The following SACS variants were observed in gnomAD, a reference collection of about 807,000 sequenced individuals.
SACS encodes the protein sacsin molecular chaperone, also known as sacsin.
SACS carries 197 observed loss-of-function variants against 348.0 expected under a neutral mutation model. The ratio of observed to expected loss-of-function variants is 0.57; its 90% CI spans 0.50 to 0.64. SACS has a LOEUF of 0.64. SACS is among the 30% of genes least tolerant of loss of function. SACS has a pLI of 0.00. For synonymous variants in SACS, 1,985 were observed against 1,910.6 expected (o/e 1.04, Z -1.02); for missense variants, 4,999 against 5,360.8 (o/e 0.93, Z 2.11).
intron 1 of SACS, among the ~76,000 whole-genome samples, chr13:23,413,269 C>T (rs1225478545): frequency 1.3e-5 from 2 of 152,306 alleles, no homozygotes; most frequent in Non-Finnish European, 2.9e-5. Flanking sequence ...TGAGCCACTG[C>T]GCCCGGCCGG....
In SACS at chr13:23,330,107, A is replaced by T. The variant is rs1883370471; in HGVS notation, c.*29T>A. ...ATTTATTCGTGCTACAACACATTCAAGATCTACCTTTTTTTTCGTTAAATA... is the reference window on the plus strand; with the variant it reads ...ATTTATTCGTGCTACAACACATTCATGATCTACCTTTTTTTTCGTTAAATA... On this transcript the variant is annotated 3_prime_UTR_variant, in exon 10 of 10. Transcript: ENST00000382292. 2 of 1,594,240 alleles carry T rather than the reference A, an allele frequency of 1.3e-6. No homozygotes were observed. Among genetic ancestry groups the T allele is most frequent in the African/African-American group, 1.3e-5 (1 of 74,432 alleles).
At position 23,336,484 on chromosome 13, in the gene SACS, T is replaced by C. The variant is rs776481740; in HGVS notation, c.7392A>G (p.Lys2464=). The C allele has an allele frequency of 6.2e-7, 1 of 1,614,058 alleles. No homozygotes were observed. ...PDTNLMLLPA[K]SLCYNDCPWI... ...AAGGGCAATCATTGTAGCATAACGA[T>C]TTAGCAGGGAGAAGCATAAGATTAG... is the stretch of plus-strand genomic sequence containing the variant. The change falls in exon 10 of 10, where the codon AAA becomes AAG. Residue 2464 remains lysine (K), a synonymous_variant. Coordinates refer to ENST00000382292, the MANE Select transcript of SACS (RefSeq NM_014363.6).
chr13:23,336,941 T>A lies in SACS; in HGVS notation c.6935A>T (p.Gln2312Leu). ...KSVDDGITLY[Q>L]ENITNACYKY... is the part of the protein sequence containing the mutation. Reference sequence around the variant, plus strand: ...GTAGCAAGCATTGGTGATATTCTCCTGGTACAGTGTAATTCCATCATCAAC... The same window carrying A: ...GTAGCAAGCATTGGTGATATTCTCCAGGTACAGTGTAATTCCATCATCAAC... The change falls in exon 10 of 10, where the codon CAG becomes CTG. Residue 2312 changes from glutamine (Q) to leucine (L), a missense_variant. Gln to Leu is a moderately radical substitution (Grantham distance 113). Around this residue, in one of 6 missense-constraint regions of SACS, gnomAD observed 3,156 missense variants for 3,380.1 expected, o/e 0.93. Coordinates refer to ENST00000382292, the MANE Select transcript of SACS (RefSeq NM_014363.6). 6.2e-7 allele frequency: 1 copy of A among 1,613,956 alleles called. No homozygotes were observed. Among genetic ancestry groups the A allele is most frequent in the Non-Finnish European group, 8.5e-7 (1 of 1,179,850 alleles).
chr13:23,358,538 T>C, intron 6 of SACS, 57 bp from the exon 7 acceptor site: 1 of 1,579,462 alleles, frequency 6.3e-7, no homozygotes, highest in Non-Finnish European at 8.7e-7. Context: ...TGTTCTGTTC[T>C]ATCTCAAGAG....
At chr13:23,377,411 C>G (rs943119388) in intron 2 of SACS, among the ~76,000 whole-genome samples, 2 of 152,142 alleles carry the variant, frequency 1.3e-5, no homozygotes, top group Non-Finnish European at 2.9e-5. Flanking sequence ...TTCCGTGGAG[C>G]CTGGTGGTTG....
At chr13:23,379,926 T>C (rs1871973535) in intron 2 of SACS, among the ~76,000 whole-genome samples, 1 of 152,122 alleles carries the variant, frequency 6.6e-6, no homozygotes, top group South Asian at 2.1e-4. Flanking sequence ...CTTGGTCTTA[T>C]ACCTGGAATG....
In SACS at chr13:23,336,993, T is replaced by C. The variant is rs751139792; in HGVS notation, c.6883A>G (p.Asn2295Asp). The C allele has an allele frequency of 6.2e-7, 1 of 1,613,900 alleles. No individual in the cohort carries two copies. The highest frequency in any genetic ancestry group is 8.5e-7 in the Non-Finnish European group (1 of 1,179,916). ...GATTTTGCTACTTCTTTCAATTGGT[T>C]TATAACCAGATCAACTGTTGGCTTC... ...LKKPTVDLVI[N>D]QLKEVAKSVD... Residue 2295 changes from asparagine to aspartate, a missense_variant, in exon 10 of 10, where the codon AAC becomes GAC. Asn to Asp is a conservative substitution (Grantham distance 23). Around this residue, in one of 6 missense-constraint regions of SACS, gnomAD observed 3,156 missense variants for 3,380.1 expected, o/e 0.93. Coordinates refer to ENST00000382292, the MANE Select transcript of SACS (RefSeq NM_014363.6).
At chr13:23,408,978 A>G (rs943229373) in intron 2 of SACS, among the ~76,000 whole-genome samples, 4 of 149,228 alleles carry the variant, frequency 2.7e-5, no homozygotes, top group Non-Finnish European at 5.9e-5. Flanking sequence ...AATAAAAAAG[A>G]ATTGTTTTTC....
At chr13:23,357,521 C>T (rs1238001326) in intron 7 of SACS, among the ~76,000 whole-genome samples, 4 of 152,192 alleles carry the variant, frequency 2.6e-5, no homozygotes, top group Non-Finnish European at 4.4e-5. Context: ...CACCCTCCTT[C>T]ACTCTCACAC....
intron 4 of SACS, among the ~76,000 whole-genome samples, chr13:23,370,412 A>G (rs1871311468): frequency 6.6e-6 from 1 of 150,646 alleles, no homozygotes; most frequent in African/African-American, 2.4e-5. Flanking sequence ...TCATCTCCAA[A>G]AGTTTCCTCC....
At chr13:23,368,144 TC>T in intron 5 of SACS, among the ~76,000 whole-genome samples, 1 of 152,122 alleles carries the variant, frequency 6.6e-6, no homozygotes, top group East Asian at 1.9e-4. Flanking sequence ...CAGAGAACAT[TC>T]CCGGAGCGAC....
In SACS at chr13:23,375,100, GC is replaced by G. The variant is rs1433108674; in HGVS notation, c.171+18del. On this transcript the variant is annotated intron_variant, in intron 3 of 9. Transcript: ENST00000382292. Reference sequence around the variant, plus strand: ...TCCGCGTGGCGGAGCCCAGCCCAGCGCCCCCGGCCACCGCCTACCTCGCGGC... The same window carrying G: ...TCCGCGTGGCGGAGCCCAGCCCAGCGCCCCGGCCACCGCCTACCTCGCGGC... 16 of 1,485,216 alleles carry G rather than the reference GC, an allele frequency of 1.1e-5. No homozygotes were observed. The Admixed American group carries it at 1.2e-4, about 11-fold the overall frequency. 92.0% of individuals were successfully genotyped at this position (1,485,216 alleles called of 1,614,324 possible).
intron 2 of SACS, among the ~76,000 whole-genome samples, chr13:23,395,465 C>T (rs1463262826): frequency 6.6e-6 from 1 of 152,158 alleles, no homozygotes; most frequent in African/African-American, 2.4e-5. Flanking sequence ...CTTTCACCAC[C>T]TTTGATCTTC....
At chr13:23,373,206 A>G (rs1213051302) in intron 3 of SACS, among the ~76,000 whole-genome samples, 2 of 152,190 alleles carry the variant, frequency 1.3e-5, no homozygotes. Context: ...GTCGGCAGGC[A>G]TAGAGAAAGG....
chr13:23,412,490 T>G (rs1366461393), intron 1 of SACS, among the ~76,000 whole-genome samples: 1 of 148,188 alleles, frequency 6.7e-6, no homozygotes, highest in African/African-American at 2.5e-5. Context: ...CTTGGCTCAC[T>G]GCAACATCTA....
chr13:23,345,527 G>A (rs28451993), intron 9 of SACS, among the ~76,000 whole-genome samples: 4,100 of 152,212 alleles, frequency 0.027, 187 homozygotes, highest in African/African-American at 0.093. Context: ...TAAGAGAATC[G>A]CTGATGTAAC....
In SACS at chr13:23,334,689, A is replaced by G. The variant is rs1242288661; in HGVS notation, c.9187T>C (p.Leu3063=). 2.5e-6 allele frequency: 4 copies of G among 1,613,634 alleles called. No homozygotes were observed. Among genetic ancestry groups the G allele is most frequent in the Non-Finnish European group, 3.4e-6 (4 of 1,179,754 alleles). The change falls in exon 10 of 10, where the codon TTA becomes CTA. Residue 3063 remains leucine (L), a synonymous_variant. Transcript: ENST00000382292. ...TAAACCAAGTTGAAACCAATTTCTA[A>G]AAGGAGATGTTTCAGCCTATAGACA... ...ENVYRLKHLL[L]EIGFNLVYNC...
intron 2 of SACS, among the ~76,000 whole-genome samples, chr13:23,380,148 T>TGTGAGAGAGAGA (rs35527942): frequency 6.8e-6 from 1 of 147,672 alleles, no homozygotes; most frequent in Non-Finnish European, 1.5e-5. Flanking sequence ...TGTGTGTGTG[T>TGTGAGAGAGAGA]GAGAGAGAGA....
At chr13:23,368,618 G>A in intron 4 of SACS, 131 bp from the exon 5 acceptor site, 1 of 677,916 alleles carries the variant, frequency 1.5e-6, no homozygotes, top group South Asian at 1.7e-5. Flanking sequence ...GCAGCACCCT[G>A]GTACAGAAAT....
Sources: gnomAD v4.1 joint callset for allele counts (sites outside exome capture counted in the v4.1 genomes callset) on GRCh38, gnomAD v4.1.1 for gene constraint, gnomAD v4.1.1 regional missense constraint, MANE v1.5 for transcripts, NCBI Gene and HGNC (gene_info 2026-07-23, HGNC 2026-07-21) for gene names.